ZFHX3: variants seen among roughly 807,000 people sequenced by gnomAD.
ZFHX3 encodes zinc finger homeobox 3.
ZFHX3 carries 42 observed loss-of-function variants against 279.1 expected under a neutral mutation model. The observed-to-expected ratio is 0.15, with a 90% confidence interval of 0.12 to 0.19. The LOEUF (loss-of-function observed/expected upper bound fraction) is 0.19. Ranked by LOEUF, ZFHX3 falls within the 10% of genes least tolerant of loss-of-function variation. The pLI is 1.00. For missense variants in ZFHX3, 4,981 were observed against 4,754.0 expected, an observed-to-expected ratio of 1.05 and a Z score of -1.40; for synonymous variants, 2,293 against 1,957.8, an observed-to-expected ratio of 1.17 and a Z score of -4.52.
At chr16:72,864,456 C>A (rs933175942) in intron 4 of ZFHX3, among the ~76,000 whole-genome samples, 26 of 149,048 alleles carry the variant, frequency 1.7e-4, no homozygotes, top group African/African-American at 5.9e-4. Flanking sequence ...TGTAGGAAGT[C>A]TTGAGGGGGC....
intron 5 of ZFHX3, among the ~76,000 whole-genome samples, chr16:73,182,577 G>T (rs1462057842): frequency 6.6e-6 from 1 of 152,140 alleles, no homozygotes; most frequent in African/African-American, 2.4e-5. Flanking sequence ...ACATCAGAAA[G>T]GCATGTGCAT....
chr16:72,868,364 G>A (rs182217400), intron 4 of ZFHX3, among the ~76,000 whole-genome samples: 308 of 152,212 alleles, frequency 2.0e-3, no homozygotes, highest in Non-Finnish European at 2.7e-3. Flanking sequence ...ATCCTTACCT[G>A]CTCTCTTCCC....
chr16:73,714,812 T>C (rs764582565), intron 1 of ZFHX3, among the ~76,000 whole-genome samples: 11 of 152,106 alleles, frequency 7.2e-5, no homozygotes, highest in Non-Finnish European at 1.0e-4. Context: ...CATCTGTTCC[T>C]TGCTGCTTTT....
intron 3 of ZFHX3, among the ~76,000 whole-genome samples, chr16:72,907,878 C>T (rs1281050884): frequency 4.6e-5 from 7 of 151,764 alleles, no homozygotes; most frequent in Non-Finnish European, 1.0e-4. Context: ...GAGATGGGGT[C>T]TCATCATCTT....
chr16:73,309,906 C>CTTTTTTTTTTTTTTTTTT (rs57812149), intron 4 of ZFHX3, among the ~76,000 whole-genome samples: 1 of 114,404 alleles, frequency 8.7e-6, no homozygotes. Flanking sequence ...TTTTTCTTGC[C>CTTTTTTTTTTTTTTTTTT]TTTTTTTTTT....
At chr16:73,117,371 GA>G (rs1401787122) in intron 7 of ZFHX3, among the ~76,000 whole-genome samples, 2 of 152,210 alleles carry the variant, frequency 1.3e-5, no homozygotes, top group African/African-American at 4.8e-5. Context: ...ACTAGGTCAT[GA>G]AGTAAATTCA....
intron 3 of ZFHX3, among the ~76,000 whole-genome samples, chr16:73,383,181 AAC>A (rs1387302494): frequency 1.3e-5 from 2 of 152,214 alleles, no homozygotes; most frequent in Non-Finnish European, 2.9e-5. Context: ...ACGTGAAGCC[AAC>A]AGTTTTCAAG....
chr16:72,963,355 A>G (rs1162597816), intron 1 of ZFHX3, among the ~76,000 whole-genome samples: 5 of 152,120 alleles, frequency 3.3e-5, no homozygotes, highest in African/African-American at 4.8e-5. Flanking sequence ...CACAACCCCC[A>G]ATGTTGCACT....
At chr16:73,486,142 C>A (rs1186120447) in intron 2 of ZFHX3, among the ~76,000 whole-genome samples, 1 of 152,212 alleles carries the variant, frequency 6.6e-6, no homozygotes, top group African/African-American at 2.4e-5. Flanking sequence ...AAGGCTGATT[C>A]ATGCTGACTT....
At chr16:73,468,364 G>C (rs1488912745) in intron 2 of ZFHX3, among the ~76,000 whole-genome samples, 2 of 152,176 alleles carry the variant, frequency 1.3e-5, no homozygotes, top group African/African-American at 4.8e-5. Context: ...TGACATACGG[G>C]CTTAGTCACA....
intron 2 of ZFHX3, among the ~76,000 whole-genome samples, chr16:73,539,433 CTTT>C (rs1162434013): frequency 1.1e-4 from 7 of 65,068 alleles, no homozygotes; most frequent in African/African-American, 3.4e-4. Flanking sequence ...TCCTCTTCTT[CTTT>C]TTTTTTTTTT....
At chr16:73,820,516 G>C (rs910735363) in intron 1 of ZFHX3, among the ~76,000 whole-genome samples, 6 of 151,978 alleles carry the variant, frequency 3.9e-5, no homozygotes. Flanking sequence ...ATAGGTTCTG[G>C]TCAACTGCAC....
At chr16:72,847,578 C>T (rs1333043491) in intron 4 of ZFHX3, among the ~76,000 whole-genome samples, 2 of 152,020 alleles carry the variant, frequency 1.3e-5, no homozygotes, top group East Asian at 1.9e-4. Flanking sequence ...ACACAGCTTC[C>T]GCAGCCAAGG....
chr16:73,036,052 T>C (rs1224987558), intron 1 of ZFHX3, among the ~76,000 whole-genome samples: 2 of 152,262 alleles, frequency 1.3e-5, no homozygotes, highest in Admixed American at 1.3e-4. Flanking sequence ...CTGTAAAATA[T>C]GCCCAGCAGG....
intron 1 of ZFHX3, among the ~76,000 whole-genome samples, chr16:73,685,725 G>T (rs2053075678): frequency 1.3e-5 from 2 of 152,152 alleles, no homozygotes; most frequent in African/African-American, 4.8e-5. Context: ...TCAACAAAAT[G>T]CCCACAATGA....
intron 3 of ZFHX3, among the ~76,000 whole-genome samples, chr16:73,364,411 T>C (rs1187917647): frequency 6.6e-6 from 1 of 151,370 alleles, no homozygotes; most frequent in Non-Finnish European, 1.5e-5. Context: ...CTAACAAATA[T>C]ATTAGTAGGT....
intron 2 of ZFHX3, among the ~76,000 whole-genome samples, chr16:72,956,202 T>C (rs908468289): frequency 4.6e-5 from 7 of 152,168 alleles, no homozygotes; most frequent in African/African-American, 1.2e-4. Context: ...ACCACACAAA[T>C]AAACACTTGC....
rs572407223 is a variant in ZFHX3, at chr16:73,403,050, G to T, written c.-1291+52953C>A. Among the ~76,000 whole-genome samples the T allele has an allele frequency of 2.6e-5, 4 of 152,294 alleles. No homozygotes were observed. In the East Asian group the frequency reaches 7.7e-4, roughly 29 times the overall value. On this transcript the variant is annotated intron_variant, in intron 3 of 17. Transcript: ENST00000641206. The stretch of plus-strand genomic sequence containing the variant: ...TGTAAATAGGCACACACACGTGTGT[G>T]CATGTGTACACGTGTGCATGTGTGT...
intron 2 of ZFHX3, among the ~76,000 whole-genome samples, chr16:72,954,529 G>C (rs747634615): frequency 2.0e-5 from 3 of 152,156 alleles, no homozygotes; most frequent in Non-Finnish European, 2.9e-5. Context: ...ACATCCTCAG[G>C]AAGGTGCATG....
Sources: gnomAD v4.1 joint callset for allele counts (sites outside exome capture counted in the v4.1 genomes callset) on GRCh38, gnomAD v4.1.1 for gene constraint, MANE v1.5 for transcripts, NCBI Gene and HGNC (gene_info 2026-07-23, HGNC 2026-07-21) for gene names.